Variants in SHANK2 observed in about 807,000 individuals in gnomAD.
The protein encoded by SHANK2 is SH3 and multiple ankyrin repeat domains 2, also known as SH3 and multiple ankyrin repeat domains protein 2.
A neutral mutation model predicts 133.7 loss-of-function variants in SHANK2; 43 were observed. That is an observed-to-expected ratio of 0.32 (90% CI 0.25 to 0.41). The LOEUF is 0.41. Among genes scored for constraint, SHANK2 ranks in the 10% least tolerant of loss-of-function variants. The pLI, the probability that SHANK2 is intolerant of heterozygous loss-of-function variation, is 1.00. For missense variants in SHANK2, 1,994 were observed against 2,235.8 expected (o/e 0.89, Z 2.18); for synonymous variants, 1,017 against 952.8 (o/e 1.07, Z -1.24).
rs10579290 is a variant in SHANK2 at position 70,886,697 on chromosome 11, TCA to T, written c.1174+9802_1174+9803del. 5.4e-3 allele frequency among the ~76,000 whole-genome samples: 769 copies of T among 143,456 alleles called. 9 individuals carry two copies. Among genetic ancestry groups the T allele is most frequent in the African/African-American group, 0.015 (592 of 40,180 alleles). The allele number at this position is 143,456 out of a possible 152,430, so 94.1% of individuals were successfully genotyped here. A position where few individuals can be genotyped will look rare whatever the true frequency, so the allele number is the denominator to read the frequency against. ...TACTTTCACACACACAATCACACAA[TCA>T]CACACACACACACACACACACACCC... On this transcript the variant is annotated intron_variant, in intron 11 of 25. Transcript: ENST00000601538.
chr11:70,838,002 G>GA (rs1186997999), intron 11 of SHANK2, among the ~76,000 whole-genome samples: 12 of 95,422 alleles, frequency 1.3e-4, no homozygotes, highest in South Asian at 3.6e-4. Flanking sequence ...AAAAAAAAAA[G>GA]AAAAAAAAAA....
chr11:70,502,164 G>A (rs782386402), intron 19 of SHANK2, 42 bp downstream of exon 19: 13 of 1,542,082 alleles, frequency 8.4e-6, no homozygotes, highest in Middle Eastern at 3.8e-4. Flanking sequence ...CTCAGGGACC[G>A]GCATGGTGAC....
intron 3 of SHANK2, among the ~76,000 whole-genome samples, chr11:71,121,339 T>A (rs1219214298): frequency 6.6e-6 from 1 of 152,224 alleles, no homozygotes; most frequent in Non-Finnish European, 1.5e-5. Flanking sequence ...CCATACCCTA[T>A]GAATGTGATT....
intron 6 of SHANK2, among the ~76,000 whole-genome samples, chr11:71,102,187 CA>C (rs1388917810): frequency 1.1e-4 from 17 of 152,134 alleles, no homozygotes; most frequent in Admixed American, 5.2e-4. Flanking sequence ...CTTGGAAACA[CA>C]ACTGGTCTCA....
At chr11:71,220,166 G>T (rs1459781954) in intron 2 of SHANK2, among the ~76,000 whole-genome samples, 1 of 152,088 alleles carries the variant, frequency 6.6e-6, no homozygotes, top group African/African-American at 2.4e-5. Context: ...GGCCTGGGAG[G>T]CCGACGCTGC....
At chr11:71,101,548 C>T (rs1003848537) in intron 6 of SHANK2, among the ~76,000 whole-genome samples, 1 of 152,248 alleles carries the variant, frequency 6.6e-6, no homozygotes, top group Non-Finnish European at 1.5e-5. Context: ...ACCTCTCACC[C>T]TCTGCAGATG....
Position 70,569,702 on chromosome 11 carries a change from C to A in SHANK2, c.2062-66771G>T, listed in dbSNP as rs569565655. On this transcript the variant is annotated intron_variant, in intron 17 of 25. Transcript: ENST00000601538. The surrounding 1 kb of genome is among the most constrained non-coding windows in gnomAD (Gnocchi z 5.1). ...CCACAGTGATTGGTTGAGGGATGGT[C>A]ATCCAGGCCAATCAGAATCCTGCCT... 1.3e-5 allele frequency among the ~76,000 whole-genome samples: 2 copies of A among 152,210 alleles called. No individual in the cohort carries two copies. The highest frequency in any genetic ancestry group is 2.9e-5 in the Non-Finnish European group (2 of 68,010).
intron 6 of SHANK2, 102 bp from the exon 7 acceptor site, chr11:71,094,790 T>A: frequency 8.0e-7 from 1 of 1,251,988 alleles, no homozygotes; most frequent in Non-Finnish European, 1.1e-6. Context: ...CTGACTCCCC[T>A]CCTCCACCTC....
At chr11:70,621,443 C>G (rs1317723153) in intron 17 of SHANK2, among the ~76,000 whole-genome samples, 1 of 152,212 alleles carries the variant, frequency 6.6e-6, no homozygotes, top group Non-Finnish European at 1.5e-5. Flanking sequence ...TTCTTTCTGG[C>G]CTGGCTCCTG....
chr11:71,170,789 G>C (rs1953298418), intron 2 of SHANK2, among the ~76,000 whole-genome samples: 1 of 152,228 alleles, frequency 6.6e-6, no homozygotes, highest in African/African-American at 2.4e-5. Flanking sequence ...GGAGGAAGCA[G>C]CTATTTCTCC....
chr11:71,072,421 A>G (rs1565435678), intron 9 of SHANK2, among the ~76,000 whole-genome samples: 1 of 152,290 alleles, frequency 6.6e-6, no homozygotes, highest in East Asian at 1.9e-4. Flanking sequence ...CACATCCCAG[A>G]AGCCTTCAGT....
At chr11:71,103,177 C>T (rs112415465) in intron 6 of SHANK2, among the ~76,000 whole-genome samples, 4 of 152,316 alleles carry the variant, frequency 2.6e-5, no homozygotes, top group African/African-American at 4.8e-5. Context: ...TCAGCCCTAG[C>T]GGCCACCCAG....
chr11:71,196,716 T>C (rs1953911017), intron 2 of SHANK2, among the ~76,000 whole-genome samples: 1 of 148,958 alleles, frequency 6.7e-6, no homozygotes. Flanking sequence ...GACCCATCCC[T>C]GCCCGATGCA....
chr11:70,712,390 G>T (rs1591775302), intron 14 of SHANK2, among the ~76,000 whole-genome samples: 1 of 152,326 alleles, frequency 6.6e-6, no homozygotes, highest in South Asian at 2.1e-4. Context: ...ATTAGGACGT[G>T]AACATCTCTG....
chr11:71,215,172 G>T (rs1591027798), intron 2 of SHANK2, among the ~76,000 whole-genome samples: 1 of 152,260 alleles, frequency 6.6e-6, no homozygotes, highest in East Asian at 1.9e-4. Context: ...AATGCCATCC[G>T]AGTGCTGGAA....
chr11:70,573,332 C>CTGTGATGTGAGCT (rs2060072768), intron 17 of SHANK2, among the ~76,000 whole-genome samples: 1 of 21,080 alleles, frequency 4.7e-5, no homozygotes. Context: ...GGGGGGGGGG[C>CTGTGATGTGAGCT]GGGGGCAGGA....
intron 11 of SHANK2, among the ~76,000 whole-genome samples, chr11:70,860,234 G>T (rs1460706635): frequency 1.3e-5 from 2 of 152,090 alleles, no homozygotes; most frequent in Admixed American, 6.5e-5. Flanking sequence ...CCGCCCCAAA[G>T]CCCCATGGCT....
chr11:70,898,367 A>G (rs1271091175), intron 10 of SHANK2, among the ~76,000 whole-genome samples: 2 of 151,864 alleles, frequency 1.3e-5, no homozygotes, highest in African/African-American at 4.8e-5. Flanking sequence ...GGTGTTGGTG[A>G]AAAAAACCAA....
At chr11:70,880,928 T>G (rs373856623) in intron 11 of SHANK2, among the ~76,000 whole-genome samples, 41 of 152,336 alleles carry the variant, frequency 2.7e-4, no homozygotes, top group African/African-American at 9.6e-4. Context: ...AAGCAGGGGT[T>G]GCCAAGATTC....
Sources: allele counts gnomAD v4.1 joint callset (sites outside exome capture counted in the v4.1 genomes callset), GRCh38; gene constraint gnomAD v4.1.1; non-coding constraint Gnocchi (gnomAD v3.1); transcripts MANE v1.5; gene names NCBI Gene and HGNC (gene_info 2026-07-23, HGNC 2026-07-21).